The following TANGO6 variants were observed in gnomAD, a reference collection of about 807,000 sequenced individuals.
The protein encoded by TANGO6 is transport and Golgi organization protein 6 homolog.
Under a neutral mutation model 114.2 loss-of-function variants are expected in TANGO6, and 90 were observed. That is an observed-to-expected ratio of 0.79 (90% CI 0.66 to 0.94). The LOEUF (loss-of-function observed/expected upper bound fraction) is 0.94. TANGO6 is among the 40% of genes least tolerant of loss of function. TANGO6 has a pLI of 0.00. For synonymous variants in TANGO6, 477 were observed against 509.8 expected (o/e 0.94, Z 0.87); for missense variants, 1,274 against 1,315.3 (o/e 0.97, Z 0.49).
chr16:68,926,352 G>A (rs1963167307), intron 12 of TANGO6, among the ~76,000 whole-genome samples: 1 of 151,588 alleles, frequency 6.6e-6, no homozygotes, highest in Admixed American at 6.6e-5. Flanking sequence ...AAATTAGCCA[G>A]GCATGGTGGC....
chr16:68,972,228 G>T (rs1963713486), intron 14 of TANGO6, among the ~76,000 whole-genome samples: 1 of 152,046 alleles, frequency 6.6e-6, no homozygotes, highest in Non-Finnish European at 1.5e-5. Flanking sequence ...CTCTTTGGAA[G>T]CAAGAAAAGA....
intron 1 of TANGO6, among the ~76,000 whole-genome samples, chr16:68,849,164 GTC>G (rs1270750170): frequency 6.6e-6 from 1 of 152,090 alleles, no homozygotes; most frequent in African/African-American, 2.4e-5. Context: ...GCGAAACCCT[GTC>G]TCTACTAAAA....
chr16:68,974,119 G>A lies in TANGO6; in HGVS notation c.2793G>A (p.Glu931=), dbSNP rs748660515. The stretch of plus-strand genomic sequence containing the variant: ...GCAGCAAAGACAAGCACACACCAGA[G>A]ACCAGAATGAAAGTCGGGGAAGTCC... ...YDSSKDKHTP[E]TRMKVGEVLM... The change falls in exon 15 of 18, where the codon GAG becomes GAA. Residue 931 remains glutamate, a synonymous_variant. Transcript: ENST00000261778. 1 of 1,613,970 alleles carries A rather than the reference G, an allele frequency of 6.2e-7. No individual in the cohort carries two copies. The highest frequency in any genetic ancestry group is 8.5e-7 in the Non-Finnish European group (1 of 1,179,882).
At chr16:69,011,104 C>T (rs985356799) in intron 15 of TANGO6, among the ~76,000 whole-genome samples, 1 of 152,014 alleles carries the variant, frequency 6.6e-6, no homozygotes, top group Admixed American at 6.6e-5. Context: ...AGTAATCATT[C>T]GATTTTTGGA....
intron 14 of TANGO6, among the ~76,000 whole-genome samples, chr16:68,968,669 ATTT>A (rs1173517416): frequency 1.8e-5 from 2 of 109,200 alleles, no homozygotes; most frequent in Non-Finnish European, 3.7e-5. Context: ...CCAGCCTAGC[ATTT>A]TTTTTTTTTT....
chr16:68,964,577 T>C (rs1963625979), intron 14 of TANGO6, among the ~76,000 whole-genome samples: 2 of 149,508 alleles, frequency 1.3e-5, no homozygotes, highest in South Asian at 2.1e-4. Context: ...TTTTTTTTTT[T>C]TTTTTTTGAG....
chr16:68,948,989 C>T (rs1311043314), intron 14 of TANGO6, among the ~76,000 whole-genome samples: 1 of 152,084 alleles, frequency 6.6e-6, no homozygotes, highest in African/African-American at 2.4e-5. Flanking sequence ...GAGTTCGAGA[C>T]CAGCCTGACC....
At chr16:69,027,596 TA>T (rs1959523799) in intron 16 of TANGO6, among the ~76,000 whole-genome samples, 2 of 152,156 alleles carry the variant, frequency 1.3e-5, no homozygotes, top group Non-Finnish European at 1.5e-5. Flanking sequence ...AGAAGGCTTT[TA>T]TGGGTCTATT....
At chr16:69,005,234 C>G (rs1964081654) in intron 15 of TANGO6, among the ~76,000 whole-genome samples, 2 of 152,112 alleles carry the variant, frequency 1.3e-5, no homozygotes, top group Non-Finnish European at 2.9e-5. Flanking sequence ...GGAAAAACTA[C>G]AAACGTGACA....
intron 7 of TANGO6, among the ~76,000 whole-genome samples, chr16:68,892,196 G>T (rs1214267685): frequency 1.3e-5 from 2 of 152,190 alleles, no homozygotes; most frequent in African/African-American, 2.4e-5. Context: ...TAGACAAAGA[G>T]TTACAGTAGT....
chr16:69,054,042 G>A (rs768695869), intron 17 of TANGO6, among the ~76,000 whole-genome samples: 1 of 152,084 alleles, frequency 6.6e-6, no homozygotes. Context: ...TCCAGCCTGG[G>A]CAACAGAGCA....
chr16:69,011,688 C>T (rs1964144865), intron 15 of TANGO6, among the ~76,000 whole-genome samples: 1 of 152,042 alleles, frequency 6.6e-6, no homozygotes, highest in South Asian at 2.1e-4. Context: ...GAACTCCTGG[C>T]CTCAAGCCAT....
chr16:69,031,895 T>TCATGCAAC (rs2152231357), intron 16 of TANGO6, among the ~76,000 whole-genome samples: 2 of 152,036 alleles, frequency 1.3e-5, no homozygotes, highest in Admixed American at 1.3e-4. Context: ...ACTCCTGAGT[T>TCATGCAAC]CATGCAACCT....
At chr16:68,855,486 G>A (rs1259718285) in intron 1 of TANGO6, among the ~76,000 whole-genome samples, 1 of 151,846 alleles carries the variant, frequency 6.6e-6, no homozygotes, top group Non-Finnish European at 1.5e-5. Flanking sequence ...GGAGGCTGAG[G>A]CACGAGAATT....
At chr16:68,927,233 A>G (rs1008022297) in intron 12 of TANGO6, among the ~76,000 whole-genome samples, 3 of 152,164 alleles carry the variant, frequency 2.0e-5, no homozygotes, top group Non-Finnish European at 4.4e-5. Flanking sequence ...ACATCTTACT[A>G]TCTTCCAGTC....
chr16:68,977,771 T>C (rs1963778657), intron 15 of TANGO6, among the ~76,000 whole-genome samples: 1 of 148,114 alleles, frequency 6.8e-6, no homozygotes, highest in Admixed American at 6.7e-5. Context: ...CTGCAGCCTC[T>C]GCCTCCTGGG....
At chr16:69,004,366 T>C (rs555185568) in intron 15 of TANGO6, among the ~76,000 whole-genome samples, 34 of 152,116 alleles carry the variant, frequency 2.2e-4, no homozygotes, top group South Asian at 1.9e-3. Flanking sequence ...TTTTTTTTTT[T>C]TGTTTTTGAG....
chr16:69,063,808 C>CTTCTTCTTA (rs56983779), intron 17 of TANGO6, among the ~76,000 whole-genome samples: 2,222 of 125,486 alleles, frequency 0.018, 22 homozygotes, highest in East Asian at 0.023. Flanking sequence ...TCTTCTTCTT[C>CTTCTTCTTA]TTATTATTAT....
chr16:69,049,498 C>T (rs1959914327), intron 17 of TANGO6, among the ~76,000 whole-genome samples: 1 of 151,770 alleles, frequency 6.6e-6, no homozygotes, highest in Non-Finnish European at 1.5e-5. Flanking sequence ...ATGGCGCCAT[C>T]TCGTCTCACT....
Sources: allele counts gnomAD v4.1 joint callset (sites outside exome capture counted in the v4.1 genomes callset), GRCh38; gene constraint gnomAD v4.1.1; transcripts MANE v1.5; gene names NCBI Gene and HGNC (gene_info 2026-07-23, HGNC 2026-07-21).